The following GEMIN2 variants were observed in gnomAD, a reference collection of about 807,000 sequenced individuals.
The protein encoded by GEMIN2 is gem nuclear organelle associated protein 2, also known as gem-associated protein 2.
In GEMIN2, 37 loss-of-function variants were observed where a neutral mutation model predicts 45.8. The ratio of observed to expected loss-of-function variants is 0.81; its 90% confidence interval spans 0.62 to 1.06. The LOEUF is 1.06. Among genes scored for constraint, GEMIN2 ranks in the 50% least tolerant of loss-of-function variants. GEMIN2 has a pLI of 0.00. For missense variants in GEMIN2, 335 were observed against 321.8 expected, an observed-to-expected ratio of 1.04 and a Z score of -0.31; for synonymous variants, 101 against 111.5, an observed-to-expected ratio of 0.91 and a Z score of 0.60.
intron 5 of GEMIN2, 52 bp downstream of exon 5, chr14:39,122,595 C>A: frequency 1.0e-6 from 1 of 953,968 alleles, no homozygotes; most frequent in Non-Finnish European, 1.6e-6. Flanking sequence ...TTTGGTGCAC[C>A]ACTTAATATA....
At chr14:39,120,602 C>T (rs528063510) in intron 4 of GEMIN2, among the ~76,000 whole-genome samples, 11 of 125,400 alleles carry the variant, frequency 8.8e-5, no homozygotes, top group East Asian at 2.4e-4. Context: ...TCATGTTCAT[C>T]GTGAGGTTTT....
In GEMIN2 at chr14:39,132,824, G is replaced by A. The variant is rs188859185; in HGVS notation, c.711+756G>A. ...CTCCAGAGTAGCTGAGATTACAGGT[G>A]CCCGCCACCATGCCTGGCTAATTTT... On this transcript the variant is annotated intron_variant, in intron 8 of 9. Transcript: ENST00000308317. Among the ~76,000 whole-genome samples, 675 of 150,568 alleles carry A rather than the reference G, an allele frequency of 4.5e-3. 6 individuals are homozygous for A. The highest frequency in any genetic ancestry group is 0.016 in the African/African-American group (649 of 41,170).
chr14:39,114,334 A>G lies in GEMIN2; in HGVS notation c.-5A>G. The stretch of plus-strand genomic sequence containing the variant: ...CGCCGAGCGGAACTGGCTGGTTTGA[A>G]AACCATGGCGTGGGTACCAGCGGAG... On this transcript the variant is annotated 5_prime_UTR_variant, in exon 1 of 10. Coordinates refer to ENST00000308317, the MANE Select transcript of GEMIN2 (RefSeq NM_003616.3). 6.2e-7 allele frequency: 1 copy of G among 1,613,996 alleles called. No homozygotes were observed. The highest frequency in any genetic ancestry group is 8.5e-7 in the Non-Finnish European group (1 of 1,179,944).
intron 7 of GEMIN2, among the ~76,000 whole-genome samples, 168 bp downstream of exon 7, chr14:39,128,516 G>T (rs1481382749): frequency 1.5e-4 from 14 of 91,120 alleles, no homozygotes; most frequent in Non-Finnish European, 2.4e-4. Flanking sequence ...TTTGAGACAA[G>T]GTCTCGCTCT....
chr14:39,126,338 C>G (rs1206126640), intron 6 of GEMIN2, among the ~76,000 whole-genome samples: 1 of 152,104 alleles, frequency 6.6e-6, no homozygotes, highest in Admixed American at 6.6e-5. Flanking sequence ...GCTACCATGC[C>G]TGGCTAATTT....
At chr14:39,118,199 T>A in intron 3 of GEMIN2, 111 bp downstream of exon 3, 1 of 512,970 alleles carries the variant, frequency 1.9e-6, no homozygotes, top group Non-Finnish European at 3.5e-6. Flanking sequence ...TATTCATGAA[T>A]TAATTACCAA....
chr14:39,135,107 C>A (rs2052766196), intron 9 of GEMIN2, among the ~76,000 whole-genome samples: 1 of 151,468 alleles, frequency 6.6e-6, no homozygotes, highest in Non-Finnish European at 1.5e-5. Context: ...TTAATGAAAC[C>A]TCAGACAAGT....
intron 8 of GEMIN2, among the ~76,000 whole-genome samples, chr14:39,132,975 G>GGTGT (rs67749459): frequency 0.013 from 1,833 of 140,264 alleles, 39 homozygotes; most frequent in African/African-American, 0.046. Context: ...TACTGCACCT[G>GGTGT]GTGTGTGTGT....
chr14:39,132,064 T>C lies in GEMIN2; in HGVS notation c.707T>C (p.Leu236Ser), dbSNP rs371815583. ...LARRCSEVRL[L>S]VDSKDDERVP... Reference sequence around the variant, plus strand: ...AGAAGGTGCTCTGAAGTGAGGCTCTTAGTGGTAAGTTGCAACTTACTGTTT... The same window carrying C: ...AGAAGGTGCTCTGAAGTGAGGCTCTCAGTGGTAAGTTGCAACTTACTGTTT... Residue 236 changes from leucine (L) to serine (S), a missense_variant, in exon 8 of 10, where the codon TTA (leucine) becomes TCA (serine). By Grantham distance (145) the Leu-to-Ser change is moderately radical (BLOSUM62 -2). Transcript: ENST00000308317. 1.4e-5 allele frequency: 20 copies of C among 1,446,108 alleles called. No individual in the cohort carries two copies. The highest frequency in any genetic ancestry group is 1.9e-5 in the Non-Finnish European group (20 of 1,027,788). The allele number at this position is 1,446,108 out of a possible 1,614,324, so 89.6% of individuals were successfully genotyped here.
In GEMIN2 at chr14:39,118,583, A is replaced by G; in HGVS notation, c.356A>G (p.Asp119Gly). ...HRSHWKSQQL[D>G]SNVTMPKSED... ...AGTCACTGGAAATCACAACAGTTGG[A>G]TAGTAATGTGACAATGGTATGTAAG... Residue 119 changes from aspartate (D) to glycine (G), a missense_variant, in exon 4 of 10, where the codon GAT (aspartate) becomes GGT (glycine). Transcript: ENST00000308317. 1 of 1,482,342 alleles carries G rather than the reference A, an allele frequency of 6.7e-7. No individual in the cohort carries two copies. The highest frequency in any genetic ancestry group is 9.4e-7 in the Non-Finnish European group (1 of 1,060,328). The allele number at this position is 1,482,342 out of a possible 1,614,324, so 91.8% of individuals were successfully genotyped here.
intron 9 of GEMIN2, among the ~76,000 whole-genome samples, chr14:39,135,186 G>A (rs2052767195): frequency 1.3e-5 from 2 of 152,144 alleles, no homozygotes; most frequent in South Asian, 4.1e-4. Context: ...ACATTCAAGT[G>A]TATTTTTTGC....
chr14:39,122,057 T>A (rs1363504127), intron 4 of GEMIN2: 1 of 187,654 alleles, frequency 5.3e-6, no homozygotes, highest in Non-Finnish European at 1.1e-5. Context: ...CTCCTTGGCT[T>A]GCATAGGGCC....
At chr14:39,122,198 TTTAAA>T (rs1167243432) in intron 4 of GEMIN2, among the ~76,000 whole-genome samples, 3 of 152,142 alleles carry the variant, frequency 2.0e-5, no homozygotes, top group Non-Finnish European at 2.9e-5. Flanking sequence ...ATGGCCTCAA[TTTAAA>T]TTAATCACTT....
At chr14:39,133,810 T>G (rs1275462197) in intron 9 of GEMIN2, 91 bp downstream of exon 9, 3 of 734,872 alleles carry the variant, frequency 4.1e-6, no homozygotes, top group Non-Finnish European at 6.6e-6. Flanking sequence ...TTTGGTTGGT[T>G]TTTTTTTGAG....
chr14:39,133,804 G>A (rs757103959), intron 9 of GEMIN2, 85 bp downstream of exon 9: 50 of 812,878 alleles, frequency 6.2e-5, no homozygotes, highest in Non-Finnish European at 8.6e-5. Flanking sequence ...TTTTTGTTTG[G>A]TTGGTTTTTT....
intron 6 of GEMIN2, among the ~76,000 whole-genome samples, chr14:39,126,107 G>A (rs1204995855): frequency 6.6e-6 from 1 of 151,440 alleles, no homozygotes; most frequent in Non-Finnish European, 1.5e-5. Context: ...TTTTTTAGGA[G>A]TAAGGACTCT....
chr14:39,118,405 T>C (rs1017551882), intron 3 of GEMIN2, 135 bp from the exon 4 acceptor site: 11 of 613,724 alleles, frequency 1.8e-5, no homozygotes, highest in Non-Finnish European at 1.8e-5. Flanking sequence ...ACCCAATACA[T>C]GGTCTTTTAC....
At chr14:39,127,924 C>T (rs1435614642) in intron 6 of GEMIN2, among the ~76,000 whole-genome samples, 1 of 151,816 alleles carries the variant, frequency 6.6e-6, no homozygotes, top group African/African-American at 2.4e-5. Flanking sequence ...AAAAATTAGC[C>T]GGACGTGGTG....
intron 5 of GEMIN2, chr14:39,122,774 T>A (rs906926579): frequency 5.8e-6 from 2 of 345,310 alleles, no homozygotes; most frequent in Non-Finnish European, 1.0e-5. Flanking sequence ...TGACTCTTGA[T>A]AGAAAATGTT....
Sources: gnomAD v4.1 joint callset for allele counts (sites outside exome capture counted in the v4.1 genomes callset) on GRCh38, gnomAD v4.1.1 for gene constraint, MANE v1.5 for transcripts, NCBI Gene and HGNC (gene_info 2026-07-23, HGNC 2026-07-21) for gene names.